EDARADD: variants seen among roughly 807,000 people sequenced by gnomAD.
EDARADD encodes the protein EDAR associated via death domain.
In EDARADD, 20 loss-of-function variants were observed where a neutral mutation model predicts 25.6. The ratio of observed to expected loss-of-function variants is 0.78; its 90% CI spans 0.55 to 1.14. EDARADD has a LOEUF of 1.14. Ranked by LOEUF, EDARADD falls within the 50% of genes most tolerant of loss-of-function variation. The pLI is 0.00. For synonymous variants in EDARADD, 86 were observed against 94.4 expected (o/e 0.91, Z 0.52); for missense variants, 225 against 270.1 (o/e 0.83, Z 1.17).
chr1:236,412,615 C>T (rs756351484), intron 2 of EDARADD, among the ~76,000 whole-genome samples: 30 of 152,208 alleles, frequency 2.0e-4, no homozygotes, highest in Non-Finnish European at 3.8e-4. Context: ...GATCCCTTCT[C>T]CTGCCATGCC....
intron 4 of EDARADD, among the ~76,000 whole-genome samples, chr1:236,433,792 C>T (rs566474252): frequency 7.2e-5 from 11 of 151,980 alleles, no homozygotes; most frequent in South Asian, 2.1e-4. Context: ...ATTGCTTGAA[C>T]CCAGGAGGCA....
chr1:236,422,737 C>T (rs924373580), intron 3 of EDARADD, among the ~76,000 whole-genome samples: 3 of 152,154 alleles, frequency 2.0e-5, no homozygotes, highest in African/African-American at 4.8e-5. Context: ...TGACTTTTTC[C>T]AGCACTATGG....
intron 2 of EDARADD, among the ~76,000 whole-genome samples, chr1:236,413,143 C>T (rs932024760): frequency 2.0e-5 from 3 of 152,206 alleles, no homozygotes; most frequent in African/African-American, 4.8e-5. Context: ...GGATTACAGG[C>T]GTGAGCCACC....
chr1:236,483,968 C>A lies in EDARADD; in HGVS notation c.*1319C>A. The A allele has an allele frequency of 1.5e-6, 2 of 1,366,662 alleles. No individual in the cohort carries two copies. Among genetic ancestry groups the A allele is most frequent in the Non-Finnish European group, 2.1e-6 (2 of 956,972 alleles). 84.7% of individuals were successfully genotyped at this position (1,366,662 alleles called of 1,614,324 possible). On this transcript the variant is annotated 3_prime_UTR_variant, in exon 6 of 6. Coordinates refer to ENST00000334232, the MANE Select transcript of EDARADD (RefSeq NM_145861.4). The stretch of plus-strand genomic sequence containing the variant: ...AATTCAAGTTTCTCGACGACCCCAC[C>A]AGGTACATCTCACCTGACTGTCTGG...
intron 4 of EDARADD, among the ~76,000 whole-genome samples, chr1:236,454,622 C>T (rs182748565): frequency 6.7e-4 from 102 of 152,268 alleles, no homozygotes; most frequent in Admixed American, 3.5e-3. Context: ...ATCTTAAAGC[C>T]GAAGGGAACC....
intron 3 of EDARADD, among the ~76,000 whole-genome samples, chr1:236,420,373 T>C (rs1657753971): frequency 1.3e-5 from 2 of 152,232 alleles, no homozygotes; most frequent in Admixed American, 1.3e-4. Flanking sequence ...CTGCCAACCT[T>C]AAAGTTTAGA....
In EDARADD at chr1:236,416,075, C is replaced by G. The variant is rs115692348; in HGVS notation, c.160+1776C>G. On this transcript the variant is annotated intron_variant, in intron 3 of 5. Coordinates refer to ENST00000334232, the MANE Select transcript of EDARADD (RefSeq NM_145861.4). The stretch of plus-strand genomic sequence containing the variant: ...TATTCCAGACCCTTCTCCCTGCTCC[C>G]TGAAATGACACCATTAGAGTGTCCT... 1.0e-2 allele frequency among the ~76,000 whole-genome samples: 1,517 copies of G among 152,330 alleles called. 25 individuals are homozygous for G. The highest frequency in any genetic ancestry group is 0.034 in the African/African-American group (1,408 of 41,560).
chr1:236,365,705 A>AC lies in EDARADD; in HGVS notation c.-6+14866_-6+14867insC, dbSNP rs76780251. On this transcript the variant is annotated intron_variant, in intron 3 of 7. Coordinates refer to the EDARADD transcript ENST00000439430. ...AAACTTGTCTGTTCTTCCTCCAAAT[A>AC]GTTTTCAGTTGGCCTCCCTCCTTTG... Among the ~76,000 whole-genome samples the AC allele has an allele frequency of 2.8e-3, 9 of 3,212 alleles. No individual in the cohort carries two copies. The East Asian group carries it at 0.085, about 30-fold the overall frequency. The allele number at this position is 3,212 out of a possible 152,430, so 2.1% of individuals were successfully genotyped here. A position where few individuals can be genotyped will look rare whatever the true frequency, so the allele number is the denominator to read the frequency against.
intron 4 of EDARADD, among the ~76,000 whole-genome samples, chr1:236,435,564 C>T (rs1156249605): frequency 6.6e-6 from 1 of 152,146 alleles, no homozygotes; most frequent in Non-Finnish European, 1.5e-5. Context: ...AGAGGGAGAC[C>T]TACCAAGATG....
At chr1:236,467,014 C>G (rs538953274) in intron 4 of EDARADD, among the ~76,000 whole-genome samples, 2 of 151,554 alleles carry the variant, frequency 1.3e-5, no homozygotes, top group African/African-American at 2.4e-5. Flanking sequence ...TGCAGTGAGC[C>G]GAGATTGTGC....
Position 236,468,261 on chromosome 1 carries a change from G to A in EDARADD, c.250G>A (p.Gly84Arg). ...AGAAAATGGCTTTCCAGATAGCACTGGAGATCCTCTTCCAGGTAAATGATT... is the reference window on the plus strand; with the variant it reads ...AGAAAATGGCTTTCCAGATAGCACTAGAGATCCTCTTCCAGGTAAATGATT... ...GEENGFPDST[G>R]DPLPEISKDN... Residue 84 changes from glycine (G) to arginine (R), a missense_variant, in exon 5 of 6, where the codon GGA (glycine) becomes AGA (arginine). Transcript: ENST00000334232. 2 of 1,614,096 alleles carry A rather than the reference G, an allele frequency of 1.2e-6. No individual in the cohort carries two copies. The highest frequency in any genetic ancestry group is 1.7e-6 in the Non-Finnish European group (2 of 1,179,966).
chr1:236,446,506 C>T (rs183554600), intron 4 of EDARADD, among the ~76,000 whole-genome samples: 2 of 151,492 alleles, frequency 1.3e-5, no homozygotes, highest in East Asian at 1.9e-4. Flanking sequence ...GAGCCGAGAT[C>T]GCACCACTGC....
chr1:236,455,001 G>A (rs1018474790), intron 4 of EDARADD, among the ~76,000 whole-genome samples: 8 of 152,154 alleles, frequency 5.3e-5, no homozygotes, highest in Non-Finnish European at 1.2e-4. Context: ...CATGAGGTCA[G>A]GAGTTCGAGA....
intron 4 of EDARADD, among the ~76,000 whole-genome samples, chr1:236,442,435 C>A (rs948508975): frequency 6.6e-6 from 1 of 152,162 alleles, no homozygotes; most frequent in African/African-American, 2.4e-5. Context: ...CATGAGCCAC[C>A]AAGCCTGGCC....
At position 236,484,414 on chromosome 1, in the gene EDARADD, T is replaced by G. The variant is rs1056387804; in HGVS notation, c.*1765T>G. The G allele has an allele frequency of 8.1e-6, 13 of 1,610,210 alleles. No homozygotes were observed. In the African/African-American group the frequency reaches 1.6e-4, roughly 20 times the overall value. On this transcript the variant is annotated 3_prime_UTR_variant, in exon 6 of 6. Transcript: ENST00000334232. The surrounding 1 kb of genome is among the most constrained non-coding windows in gnomAD (Gnocchi z 4.1). ...CAGCTCCTCAGAATTGAAGAGGAGC[T>G]GGGCAGCAAGGCTAAGTTTGCCGGC...
chr1:236,467,074 C>G (rs1248671216), intron 4 of EDARADD, among the ~76,000 whole-genome samples: 2 of 134,346 alleles, frequency 1.5e-5, no homozygotes, highest in African/African-American at 6.6e-5. Flanking sequence ...TCAAAAAAAA[C>G]AAAAAAACAA....
chr1:236,371,533 CACT>C (rs1667171757), intron 3 of EDARADD, among the ~76,000 whole-genome samples: 1 of 151,046 alleles, frequency 6.6e-6, no homozygotes, highest in Non-Finnish European at 1.5e-5. Context: ...TCTAGTTTCT[CACT>C]ATTAATGGAT....
intron 2 of EDARADD, among the ~76,000 whole-genome samples, chr1:236,349,959 A>C (rs1412506711): frequency 6.6e-6 from 1 of 152,200 alleles, no homozygotes; most frequent in Non-Finnish European, 1.5e-5. Context: ...TAAAAATACA[A>C]AAACTAGCCG....
chr1:236,471,503 A>T (rs1373320754), intron 5 of EDARADD, among the ~76,000 whole-genome samples: 1 of 151,814 alleles, frequency 6.6e-6, no homozygotes, highest in Non-Finnish European at 1.5e-5. Flanking sequence ...ATACCCCCTT[A>T]ATAACCGTTA....
Sources: allele counts gnomAD v4.1 joint callset (sites outside exome capture counted in the v4.1 genomes callset), GRCh38; gene constraint gnomAD v4.1.1; non-coding constraint Gnocchi (gnomAD v3.1); transcripts MANE v1.5; gene names NCBI Gene and HGNC (gene_info 2026-07-23, HGNC 2026-07-21).